The following SLC4A8 variants were observed in gnomAD, a reference collection of about 807,000 sequenced individuals.
SLC4A8 encodes the protein solute carrier family 4 member 8, also known as electroneutral sodium bicarbonate exchanger 1.
A neutral mutation model predicts 125.0 loss-of-function variants in SLC4A8; 40 were observed. The observed-to-expected ratio is 0.32, with a 90% CI of 0.25 to 0.42. The LOEUF (loss-of-function observed/expected upper bound fraction) is 0.42. SLC4A8 is among the 10% of genes least tolerant of loss of function. The pLI is 1.00. For missense variants in SLC4A8, 863 were observed against 1,355.1 expected (o/e 0.64, Z 5.70); for synonymous variants, 456 against 476.0 (o/e 0.96, Z 0.55).
rs1477697884 is a variant in SLC4A8 at position 51,440,758 on chromosome 12, C to T, written c.99C>T (p.Leu33=). 1.2e-6 allele frequency: 2 copies of T among 1,607,790 alleles called. No individual in the cohort carries two copies. Among genetic ancestry groups the T allele is most frequent in the Non-Finnish European group, 1.7e-6 (2 of 1,178,232 alleles). Reference sequence around the variant, plus strand: ...ATCAGGGTGGGACCAGTACAATTCTCAACATTCACTATGAAAAAGAAGAGC... The same window carrying T: ...ATCAGGGTGGGACCAGTACAATTCTTAACATTCACTATGAAAAAGAAGAGC... ...VVDQGGTSTI[L]NIHYEKEELE... is the part of the protein sequence containing the mutation. Residue 33 remains leucine (L), a synonymous_variant, in exon 2 of 25, where the codon CTC becomes CTT. Coordinates refer to ENST00000453097, the MANE Select transcript of SLC4A8 (RefSeq NM_001039960.3).
chr12:51,462,028 TC>T (rs1950341727), intron 9 of SLC4A8: 2 of 276,142 alleles, frequency 7.2e-6, no homozygotes, highest in Non-Finnish European at 6.8e-6. Context: ...TTTCCTTCCA[TC>T]CTTTGTGGAG....
chr12:51,418,612 A>G (rs1948729566), intron 1 of SLC4A8, among the ~76,000 whole-genome samples: 1 of 152,126 alleles, frequency 6.6e-6, no homozygotes, highest in African/African-American at 2.4e-5. Context: ...GGGCTAAAGA[A>G]CTCTGCCTTC....
At chr12:51,462,178 GT>G in intron 9 of SLC4A8, 131 bp from the exon 10 acceptor site, 1 of 820,516 alleles carries the variant, frequency 1.2e-6, no homozygotes, top group Non-Finnish European at 2.0e-6. Flanking sequence ...AAGTGCTAAA[GT>G]TTTCTGCATC....
intron 22 of SLC4A8, among the ~76,000 whole-genome samples, chr12:51,499,521 A>G (rs748891699): frequency 6.6e-6 from 1 of 152,096 alleles, no homozygotes; most frequent in Admixed American, 6.6e-5. Flanking sequence ...CAGGACACAG[A>G]CAGTCCCTGA....
chr12:51,494,551 T>C (rs1951411694), intron 20 of SLC4A8: 1 of 155,336 alleles, frequency 6.4e-6, no homozygotes, highest in African/African-American at 2.4e-5. Context: ...GTTATGAGGT[T>C]TTATTTTATC....
chr12:51,416,206 C>CTTTTG (rs1555185906), intron 1 of SLC4A8, among the ~76,000 whole-genome samples: 32 of 45,544 alleles, frequency 7.0e-4, no homozygotes, highest in Admixed American at 3.0e-3. Flanking sequence ...TGATGGAGGT[C>CTTTTG]TTTTGTTTTT....
intron 11 of SLC4A8, 33 bp downstream of exon 11, chr12:51,463,747 T>C: frequency 1.4e-6 from 2 of 1,430,876 alleles, no homozygotes; most frequent in South Asian, 1.2e-5. Context: ...GCGATGCTGC[T>C]TATTGGGTAG....
At chr12:51,501,210 A>G (rs1937868627) in intron 22 of SLC4A8, among the ~76,000 whole-genome samples, 1 of 152,204 alleles carries the variant, frequency 6.6e-6, no homozygotes, top group Non-Finnish European at 1.5e-5. Flanking sequence ...GGTTTGTTAC[A>G]TGGGTGTAGT....
chr12:51,425,429 C>G (rs942310957), intron 1 of SLC4A8: 2 of 1,026,450 alleles, frequency 1.9e-6, no homozygotes, highest in Admixed American at 1.1e-4. Context: ...GGCACGTCTT[C>G]TCTTTGTGTT....
intron 1 of SLC4A8, among the ~76,000 whole-genome samples, chr12:51,395,973 A>G (rs992258910): frequency 1.3e-5 from 2 of 152,230 alleles, no homozygotes; most frequent in African/African-American, 4.8e-5. Flanking sequence ...AGAAACAGTT[A>G]AAGCGAGAAA....
intron 11 of SLC4A8, among the ~76,000 whole-genome samples, chr12:51,467,191 A>G (rs1351308695): frequency 6.6e-6 from 1 of 152,210 alleles, no homozygotes; most frequent in Non-Finnish European, 1.5e-5. Flanking sequence ...AAAGCAAGAC[A>G]AAGTGACACT....
chr12:51,500,717 C>T lies in SLC4A8; in HGVS notation c.3082-3312C>T, dbSNP rs550836929. Among the ~76,000 whole-genome samples, 26 of 151,452 alleles carry T rather than the reference C, an allele frequency of 1.7e-4. 1 individual carries two copies. The highest frequency in any genetic ancestry group is 5.3e-4 in the African/African-American group (22 of 41,352). ...TTTCTTTTTTTTTGAGATGGAGTCT[C>T]GCTCTTTCGCCCAGGCTGGAGTGCA... On this transcript the variant is annotated intron_variant, in intron 22 of 24. Transcript: ENST00000453097.
intron 22 of SLC4A8, among the ~76,000 whole-genome samples, chr12:51,500,718 G>A (rs1237177958): frequency 3.3e-5 from 5 of 151,214 alleles, no homozygotes; most frequent in Non-Finnish European, 7.4e-5. Context: ...ATGGAGTCTC[G>A]CTCTTTCGCC....
chr12:51,480,316 G>A (rs1374225344), intron 16 of SLC4A8: 2 of 1,215,946 alleles, frequency 1.6e-6, no homozygotes, highest in Non-Finnish European at 2.1e-6. Flanking sequence ...GTATTTATAT[G>A]TATGTCTTAT....
intron 1 of SLC4A8, among the ~76,000 whole-genome samples, chr12:51,413,543 G>T (rs987100623): frequency 3.3e-5 from 5 of 152,136 alleles, no homozygotes; most frequent in Non-Finnish European, 7.4e-5. Context: ...AGTATTTATA[G>T]TTCCTGGTCT....
intron 22 of SLC4A8, among the ~76,000 whole-genome samples, chr12:51,500,459 A>G (rs1175790889): frequency 1.3e-5 from 2 of 152,084 alleles, no homozygotes; most frequent in Non-Finnish European, 2.9e-5. Flanking sequence ...TATATAGCAC[A>G]TATATATTCT....
At chr12:51,425,997 T>A (rs942042584) in intron 1 of SLC4A8, among the ~76,000 whole-genome samples, 9 of 152,204 alleles carry the variant, frequency 5.9e-5, no homozygotes, top group African/African-American at 2.2e-4. Flanking sequence ...TGGTGTGGTT[T>A]CTGCCTTGGA....
rs1592287900 is a variant in SLC4A8 at position 51,508,915 on chromosome 12, T to C, written c.*1477T>C. On this transcript the variant is annotated 3_prime_UTR_variant, in exon 25 of 25. Coordinates refer to ENST00000453097, the MANE Select transcript of SLC4A8 (RefSeq NM_001039960.3). ...TATATCACTTTATTGAATTTTGCAT[T>C]CCTTAGACTTTTAAAATATACTAAT... 1 of 152,472 alleles carries C rather than the reference T, an allele frequency of 6.6e-6. No individual in the cohort carries two copies. The highest frequency in any genetic ancestry group is 1.9e-4 in the East Asian group (1 of 5,204). The allele number at this position is 152,472 out of a possible 1,614,324, so 9.4% of individuals were successfully genotyped here.
At chr12:51,440,976 C>T (rs1359084257) in intron 2 of SLC4A8, 187 bp downstream of exon 2, 1 of 977,078 alleles carries the variant, frequency 1.0e-6, no homozygotes, top group Non-Finnish European at 1.4e-6. Context: ...TCCTACCTTA[C>T]AGGGATATCA....
Sources: allele counts gnomAD v4.1 joint callset (sites outside exome capture counted in the v4.1 genomes callset), GRCh38; gene constraint gnomAD v4.1.1; transcripts MANE v1.5; gene names NCBI Gene and HGNC (gene_info 2026-07-23, HGNC 2026-07-21).